SLIT2: variants seen among roughly 807,000 people sequenced by gnomAD.
SLIT2 encodes slit homolog 2 protein.
In SLIT2, 41 loss-of-function variants were observed where a neutral mutation model predicts 185.7. That is an observed-to-expected ratio of 0.22 (90% CI 0.17 to 0.29). The LOEUF (loss-of-function observed/expected upper bound fraction) is 0.29. Ranked by LOEUF, SLIT2 falls within the 10% of genes least tolerant of loss-of-function variation. The pLI is 1.00. For synonymous variants in SLIT2, 693 were observed against 680.2 expected, an observed-to-expected ratio of 1.02 and a Z score of -0.29; for missense variants, 1,571 against 1,909.0, an observed-to-expected ratio of 0.82 and a Z score of 3.30.
chr4:20,442,856 GT>G (rs1400451581), intron 4 of SLIT2, among the ~76,000 whole-genome samples: 1 of 152,266 alleles, frequency 6.6e-6, no homozygotes, highest in East Asian at 1.9e-4. Context: ...TTTCTACGGA[GT>G]GTTTAGATGT....
chr4:20,346,635 T>C (rs1443675273), intron 4 of SLIT2, among the ~76,000 whole-genome samples: 1 of 152,164 alleles, frequency 6.6e-6, no homozygotes, highest in East Asian at 1.9e-4. Flanking sequence ...TGATAGGCTG[T>C]CTGCAAGTCG....
At chr4:20,568,834 T>C (rs1485952775) in intron 28 of SLIT2, 31 bp from the exon 29 acceptor site, 5 of 1,599,118 alleles carry the variant, frequency 3.1e-6, no homozygotes, top group Non-Finnish European at 8.5e-7. Context: ...AACAAAAAGA[T>C]GTTTTTTGCC....
intron 4 of SLIT2, among the ~76,000 whole-genome samples, chr4:20,311,588 C>G (rs749188400): frequency 1.5e-4 from 23 of 152,018 alleles, no homozygotes; most frequent in Non-Finnish European, 3.1e-4. Context: ...GTGAATAGTA[C>G]TACTTTGGTT....
chr4:20,273,194 TA>T (rs1315430641), intron 4 of SLIT2, among the ~76,000 whole-genome samples: 1 of 151,334 alleles, frequency 6.6e-6, no homozygotes, highest in Non-Finnish European at 1.5e-5. Flanking sequence ...GAAGGAGACT[TA>T]TTTTTTTTTA....
intron 4 of SLIT2, among the ~76,000 whole-genome samples, chr4:20,396,901 A>G (rs1198146968): frequency 1.3e-5 from 2 of 149,180 alleles, no homozygotes; most frequent in East Asian, 3.9e-4. Context: ...CATAAATTAT[A>G]TTTATATTTG....
chr4:20,319,811 C>T (rs68140580), intron 4 of SLIT2, among the ~76,000 whole-genome samples: 1 of 48,010 alleles, frequency 2.1e-5, no homozygotes, highest in Non-Finnish European at 7.3e-5. Flanking sequence ...AAAAACAAAA[C>T]AAAAAAAAAA....
At chr4:20,357,827 G>A (rs1419543614) in intron 4 of SLIT2, among the ~76,000 whole-genome samples, 1 of 151,964 alleles carries the variant, frequency 6.6e-6, no homozygotes, top group East Asian at 1.9e-4. Context: ...TATTAATATT[G>A]CTACAGACAC....
At chr4:20,428,003 C>T (rs1728687899) in intron 4 of SLIT2, among the ~76,000 whole-genome samples, 3 of 152,164 alleles carry the variant, frequency 2.0e-5, no homozygotes. Context: ...CTCATCCACA[C>T]TACCACAATG....
intron 4 of SLIT2, among the ~76,000 whole-genome samples, chr4:20,421,228 C>T (rs565910427): frequency 1.4e-4 from 21 of 152,246 alleles, no homozygotes; most frequent in African/African-American, 3.4e-4. Context: ...ATCAGACTTT[C>T]GCCTTTTCCA....
At chr4:20,409,367 C>A (rs180744854) in intron 4 of SLIT2, among the ~76,000 whole-genome samples, 1 of 152,292 alleles carries the variant, frequency 6.6e-6, no homozygotes, top group East Asian at 1.9e-4. Context: ...ATAATGGCTT[C>A]TGGCTCCATC....
chr4:20,485,536 C>T (rs1056905855), intron 6 of SLIT2, among the ~76,000 whole-genome samples: 1 of 152,128 alleles, frequency 6.6e-6, no homozygotes, highest in Admixed American at 6.6e-5. Flanking sequence ...TGACTGCTGC[C>T]ACACAGCAGT....
chr4:20,531,947 G>T, intron 16 of SLIT2, 37 bp from the exon 17 acceptor site: 1 of 1,117,332 alleles, frequency 8.9e-7, no homozygotes, highest in Non-Finnish European at 1.3e-6. Flanking sequence ...CCTAACTATT[G>T]GTAATAAAAC....
chr4:20,419,321 C>T (rs886766531), intron 4 of SLIT2, among the ~76,000 whole-genome samples: 9 of 152,108 alleles, frequency 5.9e-5, no homozygotes, highest in Non-Finnish European at 1.3e-4. Context: ...TGCTTACATA[C>T]ATGTACACAC....
At chr4:20,381,153 T>TACTC (rs1230022611) in intron 4 of SLIT2, among the ~76,000 whole-genome samples, 1 of 152,080 alleles carries the variant, frequency 6.6e-6, no homozygotes, top group Non-Finnish European at 1.5e-5. Context: ...CTCGAGAGGC[T>TACTC]GATGCAAGAG....
intron 4 of SLIT2, among the ~76,000 whole-genome samples, chr4:20,422,075 C>T (rs1728212257): frequency 6.6e-6 from 1 of 152,126 alleles, no homozygotes; most frequent in Admixed American, 6.6e-5. Context: ...TGTTCTTCCT[C>T]GATCCAAGTT....
At chr4:20,507,979 G>A (rs1719358876) in intron 9 of SLIT2, among the ~76,000 whole-genome samples, 1 of 151,586 alleles carries the variant, frequency 6.6e-6, no homozygotes, top group African/African-American at 2.4e-5. Flanking sequence ...ATGAGTAAAG[G>A]CCAAAAAGAA....
At chr4:20,328,958 G>T (rs1719833214) in intron 4 of SLIT2, among the ~76,000 whole-genome samples, 2 of 152,156 alleles carry the variant, frequency 1.3e-5, no homozygotes, top group South Asian at 4.1e-4. Context: ...AAAGGCAGAA[G>T]AATGACAGAG....
intron 6 of SLIT2, 44 bp from the exon 7 acceptor site, chr4:20,486,156 A>G (rs1318288933): frequency 6.0e-6 from 7 of 1,175,740 alleles, no homozygotes; most frequent in Non-Finnish European, 8.9e-6. Context: ...ATGATCAATC[A>G]ATTTTGTATC....
chr4:20,487,130 T>C (rs1360200580), intron 7 of SLIT2, among the ~76,000 whole-genome samples: 2 of 152,156 alleles, frequency 1.3e-5, no homozygotes, highest in African/African-American at 2.4e-5. Context: ...TTACCATCTT[T>C]TTAATGAACT....
Sources: allele counts gnomAD v4.1 joint callset (sites outside exome capture counted in the v4.1 genomes callset), GRCh38; gene constraint gnomAD v4.1.1; transcripts MANE v1.5; gene names NCBI Gene and HGNC (gene_info 2026-07-23, HGNC 2026-07-21).